The following GRIK2 variants were observed in gnomAD, a reference collection of about 807,000 sequenced individuals.
GRIK2 encodes glutamate ionotropic receptor kainate type subunit 2.
In GRIK2, 32 loss-of-function variants were observed where a neutral mutation model predicts 100.3. The observed-to-expected ratio is 0.32, with a 90% CI of 0.24 to 0.43. The LOEUF (loss-of-function observed/expected upper bound fraction) is 0.43, where lower values mean the gene tolerates loss of function less well. Ranked by LOEUF, GRIK2 falls within the 20% of genes least tolerant of loss-of-function variation. GRIK2 has a pLI of 1.00. For missense variants in GRIK2, 843 were observed against 1,114.9 expected, an observed-to-expected ratio of 0.76 and a Z score of 3.47; for synonymous variants, 417 against 389.4, an observed-to-expected ratio of 1.07 and a Z score of -0.83.
intron 2 of GRIK2, among the ~76,000 whole-genome samples, chr6:101,585,482 C>T (rs967044895): frequency 1.3e-5 from 2 of 151,954 alleles, no homozygotes; most frequent in African/African-American, 2.4e-5. Context: ...TTTACATACC[C>T]TAATCTCAAG....
At chr6:101,772,479 T>C (rs890443055) in intron 7 of GRIK2, among the ~76,000 whole-genome samples, 7 of 152,162 alleles carry the variant, frequency 4.6e-5, no homozygotes, top group Non-Finnish European at 8.8e-5. Context: ...AGTTCCATAT[T>C]CTACTCTTTG....
intron 11 of GRIK2, among the ~76,000 whole-genome samples, chr6:101,862,770 A>T (rs1402397852): frequency 6.6e-6 from 1 of 152,154 alleles, no homozygotes; most frequent in East Asian, 1.9e-4. Context: ...TCATAGTTTG[A>T]TACATTTTAA....
chr6:101,854,615 A>C (rs569738431), intron 10 of GRIK2, among the ~76,000 whole-genome samples: 1 of 152,316 alleles, frequency 6.6e-6, no homozygotes, highest in African/African-American at 2.4e-5. Context: ...AGCTGAAATA[A>C]TGAAATTATG....
chr6:101,838,983 A>G (rs562226838), intron 10 of GRIK2, among the ~76,000 whole-genome samples: 1 of 136,142 alleles, frequency 7.3e-6, no homozygotes, highest in South Asian at 2.3e-4. Flanking sequence ...ATAGTCTGGA[A>G]TATGCTTTTT....
intron 4 of GRIK2, among the ~76,000 whole-genome samples, chr6:101,669,698 T>C (rs1770287323): frequency 6.6e-6 from 1 of 152,162 alleles, no homozygotes; most frequent in African/African-American, 2.4e-5. Context: ...GATAAAAACC[T>C]TCATCCACAT....
At chr6:101,836,091 C>G (rs1178502753) in intron 10 of GRIK2, among the ~76,000 whole-genome samples, 1 of 151,594 alleles carries the variant, frequency 6.6e-6, no homozygotes, top group Middle Eastern at 3.4e-3. Flanking sequence ...AGGCATTACT[C>G]CATTGCCTTT....
chr6:101,556,321 A>ATTTTTTTATTTTTTTTTTT (rs1776736728), intron 2 of GRIK2, among the ~76,000 whole-genome samples: 1 of 59,396 alleles, frequency 1.7e-5, no homozygotes, highest in Non-Finnish European at 3.6e-5. Flanking sequence ...TATATTGGTA[A>ATTTTTTTATTTTTTTTTTT]TTTTTTTTTT....
intron 7 of GRIK2, chr6:101,744,558 A>ATATATATATATATC (rs751011648): frequency 1.4e-4 from 16 of 115,018 alleles, no homozygotes; most frequent in African/African-American, 5.9e-4. Context: ...ATATATATAT[A>ATATATATATATATC]TCACAATTTC....
At chr6:101,437,571 G>A (rs1233113948) in intron 2 of GRIK2, among the ~76,000 whole-genome samples, 2 of 152,016 alleles carry the variant, frequency 1.3e-5, no homozygotes, top group Admixed American at 6.6e-5. Context: ...ACATTTCTTA[G>A]GAATAAGAAA....
At chr6:101,761,384 T>G (rs1445721777) in intron 7 of GRIK2, among the ~76,000 whole-genome samples, 1 of 152,138 alleles carries the variant, frequency 6.6e-6, no homozygotes, top group East Asian at 1.9e-4. Flanking sequence ...TATTTTAAGT[T>G]AATACAGGTT....
intron 7 of GRIK2, among the ~76,000 whole-genome samples, chr6:101,741,066 C>A (rs770739396): frequency 6.6e-6 from 1 of 152,158 alleles, no homozygotes; most frequent in Non-Finnish European, 1.5e-5. Context: ...AAATAAAATA[C>A]AACCACTACT....
At chr6:101,556,434 A>G (rs1294672120) in intron 2 of GRIK2, among the ~76,000 whole-genome samples, 1 of 143,496 alleles carries the variant, frequency 7.0e-6, no homozygotes, top group Non-Finnish European at 1.5e-5. Flanking sequence ...TTCCAGGTTC[A>G]CGCCATTCTC....
intron 8 of GRIK2, among the ~76,000 whole-genome samples, chr6:101,802,053 A>T (rs1396728030): frequency 6.6e-6 from 1 of 151,874 alleles, no homozygotes; most frequent in Non-Finnish European, 1.5e-5. Flanking sequence ...AAAGAGGTAC[A>T]CTACTTAAAA....
intron 4 of GRIK2, among the ~76,000 whole-genome samples, chr6:101,673,984 T>C (rs557901029): frequency 1.3e-5 from 2 of 152,342 alleles, no homozygotes; most frequent in African/African-American, 2.4e-5. Flanking sequence ...TACACATTTG[T>C]TAGATGCATT....
chr6:102,041,558 G>A (rs1209389071), intron 15 of GRIK2, among the ~76,000 whole-genome samples: 1 of 151,426 alleles, frequency 6.6e-6, no homozygotes, highest in Non-Finnish European at 1.5e-5. Flanking sequence ...TGGAGTCTTT[G>A]GCCTTTGTAG....
At chr6:101,589,309 A>G (rs1778532581) in intron 2 of GRIK2, among the ~76,000 whole-genome samples, 1 of 152,164 alleles carries the variant, frequency 6.6e-6, no homozygotes, top group African/African-American at 2.4e-5. Context: ...TTGTGGTGGC[A>G]ACACCGTCTA....
chr6:101,500,495 A>G (rs1342739266), intron 2 of GRIK2, among the ~76,000 whole-genome samples: 1 of 152,102 alleles, frequency 6.6e-6, no homozygotes, highest in Non-Finnish European at 1.5e-5. Flanking sequence ...CTTTGCAGAT[A>G]ACTACTTTTG....
intron 12 of GRIK2, among the ~76,000 whole-genome samples, chr6:101,895,546 T>G (rs1322566604): frequency 6.6e-6 from 1 of 151,778 alleles, no homozygotes; most frequent in East Asian, 1.9e-4. Context: ...TGACATTTAA[T>G]GTACGGTGAA....
chr6:101,442,037 G>A (rs924418803), intron 2 of GRIK2, among the ~76,000 whole-genome samples: 2 of 151,982 alleles, frequency 1.3e-5, no homozygotes, highest in Non-Finnish European at 2.9e-5. Context: ...AGAGATAAGA[G>A]TGGGTGGAGG....
Sources: gnomAD v4.1 joint callset for allele counts (sites outside exome capture counted in the v4.1 genomes callset) on GRCh38, gnomAD v4.1.1 for gene constraint, MANE v1.5 for transcripts, NCBI Gene and HGNC (gene_info 2026-07-23, HGNC 2026-07-21) for gene names.